Variants in ZSWIM5 observed in about 807,000 individuals in gnomAD.
ZSWIM5 encodes zinc finger SWIM-type containing 5.
In ZSWIM5, 55 loss-of-function variants were observed where a neutral mutation model predicts 119.6. The observed-to-expected ratio is 0.46, with a 90% CI of 0.37 to 0.58. The LOEUF (loss-of-function observed/expected upper bound fraction) is 0.58, where lower values mean the gene tolerates loss of function less well. ZSWIM5 is among the 20% of genes least tolerant of loss of function. The probability of loss-of-function intolerance (pLI) is 0.00; values close to 1 mark genes in which losing one functional copy is unlikely to be tolerated. For missense variants in ZSWIM5, 1,193 were observed against 1,512.8 expected, an observed-to-expected ratio of 0.79 and a Z score of 3.51; for synonymous variants, 537 against 606.9, an observed-to-expected ratio of 0.88 and a Z score of 1.69.
At chr1:45,099,543 A>C (rs900292893) in intron 1 of ZSWIM5, among the ~76,000 whole-genome samples, 2 of 152,214 alleles carry the variant, frequency 1.3e-5, no homozygotes, top group African/African-American at 4.8e-5. Context: ...TCCCTAACTC[A>C]TTTTATGAGG....
At chr1:45,078,707 G>T (rs1427916169) in intron 2 of ZSWIM5, among the ~76,000 whole-genome samples, 1 of 152,180 alleles carries the variant, frequency 6.6e-6, no homozygotes. Flanking sequence ...AGGCCCTGAG[G>T]CTCCAATCAG....
chr1:45,063,324 A>C (rs946239598), intron 2 of ZSWIM5, among the ~76,000 whole-genome samples: 1 of 152,188 alleles, frequency 6.6e-6, no homozygotes, highest in Non-Finnish European at 1.5e-5. Flanking sequence ...GTATATGCCC[A>C]GTAATGGGAT....
chr1:45,140,176 C>G (rs919688997), intron 1 of ZSWIM5, among the ~76,000 whole-genome samples: 2 of 152,096 alleles, frequency 1.3e-5, no homozygotes, highest in African/African-American at 4.8e-5. Flanking sequence ...AAAGGTACAA[C>G]CAAAGGTTGG....
At chr1:45,024,641 A>AATT (rs3074635) in intron 11 of ZSWIM5, among the ~76,000 whole-genome samples, 37,897 of 150,660 alleles carry the variant, frequency 0.25, 4,971 homozygotes, top group Admixed American at 0.33. Context: ...TATCCTCTAG[A>AATT]ATTATTATTA....
chr1:45,071,986 T>C (rs1260469289), intron 2 of ZSWIM5, among the ~76,000 whole-genome samples: 2 of 152,234 alleles, frequency 1.3e-5, no homozygotes, highest in African/African-American at 4.8e-5. Flanking sequence ...GTTTAGTTTT[T>C]TGAGGAACTT....
At chr1:45,129,031 G>A (rs953351388) in intron 1 of ZSWIM5, among the ~76,000 whole-genome samples, 40 of 151,628 alleles carry the variant, frequency 2.6e-4, no homozygotes, top group Non-Finnish European at 5.3e-4. Flanking sequence ...TTACCCATTC[G>A]CCTACTGACA....
chr1:45,076,619 G>A (rs1645257849), intron 2 of ZSWIM5, among the ~76,000 whole-genome samples: 2 of 152,034 alleles, frequency 1.3e-5, no homozygotes, highest in African/African-American at 2.4e-5. Flanking sequence ...TAACCTACCT[G>A]TACTTGGATA....
chr1:45,021,285 G>A (rs982785689), intron 11 of ZSWIM5, among the ~76,000 whole-genome samples: 5 of 152,010 alleles, frequency 3.3e-5, no homozygotes, highest in Admixed American at 6.6e-5. Flanking sequence ...CTACTGCGCC[G>A]GGCAACCCTC....
intron 4 of ZSWIM5, among the ~76,000 whole-genome samples, chr1:45,054,868 G>A (rs890254951): frequency 2.0e-5 from 3 of 151,940 alleles, no homozygotes; most frequent in African/African-American, 4.8e-5. Flanking sequence ...CTCTGTCACC[G>A]AGGCTGGAGT....
intron 1 of ZSWIM5, among the ~76,000 whole-genome samples, chr1:45,164,002 C>G (rs1213230806): frequency 6.6e-6 from 1 of 152,110 alleles, no homozygotes; most frequent in East Asian, 1.9e-4. Context: ...AAGAGCAACT[C>G]CAAGACACAT....
In ZSWIM5 at chr1:45,088,741, ATTC is replaced by A. The variant is rs1645346473; in HGVS notation, c.596-507_596-505del. Among the ~76,000 whole-genome samples the A allele has an allele frequency of 6.6e-6, 1 of 152,184 alleles. No homozygotes were observed. The highest frequency in any genetic ancestry group is 1.5e-5 in the Non-Finnish European group (1 of 68,040). On this transcript the variant is annotated intron_variant, in intron 1 of 13. Transcript: ENST00000359600. The surrounding 1 kb of genome is among the most constrained non-coding windows in gnomAD (Gnocchi z 4.2). ...AGATCAAAGAAGACTAAGGAAAATA[ATTC>A]TTCTTTAAAACATAAAATTTCACGT...
intron 1 of ZSWIM5, among the ~76,000 whole-genome samples, chr1:45,116,308 G>A (rs958118595): frequency 1.2e-4 from 18 of 152,264 alleles, no homozygotes; most frequent in African/African-American, 4.1e-4. Flanking sequence ...GAGAATATAG[G>A]AGATTTTAAT....
At chr1:45,158,230 T>A (rs1570161778) in intron 1 of ZSWIM5, among the ~76,000 whole-genome samples, 1 of 152,192 alleles carries the variant, frequency 6.6e-6, no homozygotes, top group Non-Finnish European at 1.5e-5. Context: ...TGTGGCATGA[T>A]CTCGGCTTGC....
At chr1:45,046,029 A>G (rs1362642175) in intron 5 of ZSWIM5, among the ~76,000 whole-genome samples, 2 of 152,114 alleles carry the variant, frequency 1.3e-5, no homozygotes. Flanking sequence ...TGAGGAGGCC[A>G]GTATAGTTGG....
chr1:45,153,093 T>TAAAAAAAAAAAAAAA (rs76324771), intron 1 of ZSWIM5, among the ~76,000 whole-genome samples: 4 of 105,868 alleles, frequency 3.8e-5, no homozygotes, highest in Non-Finnish European at 6.1e-5. Context: ...ATTAAAAAGT[T>TAAAAAAAAAAAAAAA]AAAAAAAAAA....
At chr1:45,085,046 A>C (rs561600015) in intron 2 of ZSWIM5, among the ~76,000 whole-genome samples, 2 of 152,244 alleles carry the variant, frequency 1.3e-5, no homozygotes, top group Non-Finnish European at 2.9e-5. Flanking sequence ...CTGCCTGGAC[A>C]TCCAGGCATT....
chr1:45,165,982 C>A (rs1040182774), intron 1 of ZSWIM5, among the ~76,000 whole-genome samples: 9 of 152,056 alleles, frequency 5.9e-5, no homozygotes, highest in Non-Finnish European at 1.0e-4. Flanking sequence ...CCAGCATCAT[C>A]CTGATACCAA....
chr1:45,048,519 G>C (rs1297094990), intron 5 of ZSWIM5, among the ~76,000 whole-genome samples: 1 of 152,156 alleles, frequency 6.6e-6, no homozygotes, highest in African/African-American at 2.4e-5. Flanking sequence ...GGAGGAAAAT[G>C]AGGCTATCAG....
In ZSWIM5 at chr1:45,018,521, T is replaced by C; in HGVS notation, c.3491A>G (p.Asp1164Gly). 6.2e-7 allele frequency: 1 copy of C among 1,614,094 alleles called. No individual in the cohort carries two copies. The highest frequency in any genetic ancestry group is 8.5e-7 in the Non-Finnish European group (1 of 1,180,008). Residue 1164 changes from aspartate (D) to glycine (G), a missense_variant, in exon 14 of 14, where the codon GAC becomes GGC. Physicochemically the swap from Asp to Gly is moderately conservative, Grantham distance 94 (BLOSUM62 -1). Around this residue, in one of 2 missense-constraint regions of ZSWIM5, gnomAD observed 961 missense variants for 1,290.0 expected, o/e 0.74. Transcript: ENST00000359600. The surrounding 1 kb of genome is among the most constrained non-coding windows in gnomAD (Gnocchi z 6.7). Reference protein sequence around the residue: ...DGHLQFAQFIDNLKQIYKGKK... With the variant: ...DGHLQFAQFIGNLKQIYKGKK... ...GCCTTTGTAGATCTGTTTGAGGTTGTCGATGAACTGGGCAAACTGCAGGTG... is the reference window on the plus strand; with the variant it reads ...GCCTTTGTAGATCTGTTTGAGGTTGCCGATGAACTGGGCAAACTGCAGGTG...
Sources: gnomAD v4.1 joint callset for allele counts (sites outside exome capture counted in the v4.1 genomes callset) on GRCh38, gnomAD v4.1.1 for gene constraint, gnomAD v4.1.1 regional missense constraint, Gnocchi (gnomAD v3.1) non-coding constraint, MANE v1.5 for transcripts, NCBI Gene and HGNC (gene_info 2026-07-23, HGNC 2026-07-21) for gene names.